EPHB1: variants seen among roughly 807,000 people sequenced by gnomAD.
EPHB1 encodes the protein ephrin type-B receptor 1.
In EPHB1, 30 loss-of-function variants were observed where a neutral mutation model predicts 94.4. That is an observed-to-expected ratio of 0.32 (90% CI 0.24 to 0.43). The LOEUF is 0.43. Among genes scored for constraint, EPHB1 ranks in the 20% least tolerant of loss-of-function variants. The pLI is 1.00. For synonymous variants in EPHB1, 522 were observed against 489.1 expected (o/e 1.07, Z -0.89); for missense variants, 1,055 against 1,308.3 (o/e 0.81, Z 2.99).
At chr3:135,185,379 G>A (rs78991518) in intron 10 of EPHB1, among the ~76,000 whole-genome samples, 6 of 152,128 alleles carry the variant, frequency 3.9e-5, no homozygotes, top group African/African-American at 7.2e-5. Context: ...TAGAAGTTAC[G>A]GCAAGAAGCA....
At chr3:135,248,292 C>A in intron 13 of EPHB1, 24 bp from the exon 14 acceptor site, 1 of 1,545,212 alleles carries the variant, frequency 6.5e-7, no homozygotes, top group Non-Finnish European at 8.8e-7. Context: ...CTCAATCACA[C>A]CTGTTCCCTG....
At chr3:134,929,243 T>C (rs2038857411) in intron 2 of EPHB1, among the ~76,000 whole-genome samples, 1 of 151,986 alleles carries the variant, frequency 6.6e-6, no homozygotes. Context: ...AGCCATGAAA[T>C]AGAAAAATTC....
At chr3:134,862,851 G>T (rs773624193) in intron 1 of EPHB1, among the ~76,000 whole-genome samples, 11 of 152,232 alleles carry the variant, frequency 7.2e-5, no homozygotes, top group Non-Finnish European at 1.0e-4. Context: ...TCCTTTTGGG[G>T]CCCAGTGTAA....
intron 5 of EPHB1, among the ~76,000 whole-genome samples, chr3:135,134,830 T>C (rs1278612294): frequency 1.3e-5 from 2 of 152,112 alleles, no homozygotes; most frequent in Admixed American, 6.5e-5. Context: ...TTGGCTGTCT[T>C]TTCTCTCTCT....
chr3:134,952,919 G>T (rs566655539), intron 3 of EPHB1, among the ~76,000 whole-genome samples: 1 of 152,192 alleles, frequency 6.6e-6, no homozygotes, highest in South Asian at 2.1e-4. Context: ...AGCTGAACGT[G>T]GGGGAATCCA....
chr3:134,947,517 AC>A (rs1324237749), intron 2 of EPHB1, among the ~76,000 whole-genome samples: 2 of 151,942 alleles, frequency 1.3e-5, no homozygotes, highest in Non-Finnish European at 2.9e-5. Flanking sequence ...ATTTGCTTCT[AC>A]TCTTTCCCTT....
chr3:135,003,725 G>A (rs1935276194), intron 3 of EPHB1, among the ~76,000 whole-genome samples: 1 of 151,924 alleles, frequency 6.6e-6, no homozygotes, highest in Non-Finnish European at 1.5e-5. Context: ...GGCCTTCTTT[G>A]TCTCTTTTGA....
intron 1 of EPHB1, among the ~76,000 whole-genome samples, chr3:134,818,130 T>C (rs1913685): frequency 0.74 from 112,714 of 152,156 alleles, 45,936 homozygotes; most frequent in Non-Finnish European, 0.9. Flanking sequence ...ATAGGCCCCT[T>C]AGGTGACCAT....
chr3:135,148,079 A>G (rs1056105434), intron 5 of EPHB1, among the ~76,000 whole-genome samples: 28 of 152,260 alleles, frequency 1.8e-4, no homozygotes, highest in African/African-American at 6.8e-4. Flanking sequence ...TGTTGAAAGA[A>G]GTATTTTGGC....
chr3:135,234,526 T>C (rs932436519), intron 12 of EPHB1, among the ~76,000 whole-genome samples: 5 of 152,208 alleles, frequency 3.3e-5, no homozygotes, highest in Admixed American at 6.5e-5. Context: ...TCAGGTATCC[T>C]TATAGCAGCA....
At chr3:134,960,653 C>G (rs1933478824) in intron 3 of EPHB1, among the ~76,000 whole-genome samples, 1 of 152,066 alleles carries the variant, frequency 6.6e-6, no homozygotes. Context: ...TATGTATGAC[C>G]AGGGAGGTCA....
intron 3 of EPHB1, among the ~76,000 whole-genome samples, chr3:135,065,645 A>C (rs908596985): frequency 6.6e-6 from 1 of 152,176 alleles, no homozygotes; most frequent in Admixed American, 6.5e-5. Context: ...TCCATTCTGC[A>C]GTTCTGTATC....
At chr3:135,187,321 G>A (rs946760442) in intron 10 of EPHB1, among the ~76,000 whole-genome samples, 4 of 150,906 alleles carry the variant, frequency 2.7e-5, no homozygotes, top group East Asian at 1.9e-4. Context: ...TAAATATAAC[G>A]TTAATTCTTG....
chr3:134,882,753 T>C (rs1333136570), intron 1 of EPHB1, among the ~76,000 whole-genome samples: 70 of 63,358 alleles, frequency 1.1e-3, no homozygotes, highest in South Asian at 4.6e-3. Flanking sequence ...TTTCTTCCTT[T>C]CTTCCTTCCT....
At chr3:135,158,157 G>A (rs1233003566) in intron 6 of EPHB1, among the ~76,000 whole-genome samples, 3 of 152,180 alleles carry the variant, frequency 2.0e-5, no homozygotes, top group African/African-American at 7.2e-5. Flanking sequence ...GCTCCATGTG[G>A]CCTTGGAATC....
rs555858727 is a variant in EPHB1, at chr3:135,201,626, C to A, written c.2283C>A (p.Ser761=). ...LVNSNLVCKV[S]DFGLSRYLQD... ...ACAGTAACCTGGTGTGCAAGGTGTC[C>A]GACTTTGGCCTCTCCCGCTACCTCC... The change falls in exon 12 of 16, where the codon TCC becomes TCA. Residue 761 remains serine, a synonymous_variant. Transcript: ENST00000398015. The A allele has an allele frequency of 1.2e-6, 2 of 1,613,782 alleles. No individual in the cohort carries two copies. The highest frequency in any genetic ancestry group is 1.7e-5 in the Admixed American group (1 of 59,972).
chr3:134,969,791 A>G (rs1167786622), intron 3 of EPHB1, among the ~76,000 whole-genome samples: 1 of 152,154 alleles, frequency 6.6e-6, no homozygotes, highest in Non-Finnish European at 1.5e-5. Context: ...TCTGCTGGAA[A>G]AAATCTGCTC....
chr3:135,222,180 C>G (rs1943290740), intron 12 of EPHB1, among the ~76,000 whole-genome samples: 1 of 152,140 alleles, frequency 6.6e-6, no homozygotes, highest in African/African-American at 2.4e-5. Context: ...GGGATAAGAA[C>G]TTACATTTTA....
intron 3 of EPHB1, among the ~76,000 whole-genome samples, chr3:134,986,961 C>T (rs1242052543): frequency 2.6e-5 from 4 of 152,184 alleles, no homozygotes; most frequent in Admixed American, 1.3e-4. Flanking sequence ...CTTCTCACCT[C>T]TGTCAGATCT....
Sources: gnomAD v4.1 joint callset for allele counts (sites outside exome capture counted in the v4.1 genomes callset) on GRCh38, gnomAD v4.1.1 for gene constraint, MANE v1.5 for transcripts, NCBI Gene and HGNC (gene_info 2026-07-23, HGNC 2026-07-21) for gene names.